DTX1: variants seen among roughly 807,000 people sequenced by gnomAD.
The protein encoded by DTX1 is E3 ubiquitin-protein ligase DTX1.
DTX1 carries 26 observed loss-of-function variants against 57.8 expected under a neutral mutation model. The observed-to-expected ratio is 0.45, with a 90% CI of 0.33 to 0.62. The LOEUF is 0.62. Ranked by LOEUF, DTX1 falls within the 20% of genes least tolerant of loss-of-function variation. DTX1 has a pLI of 0.02. For missense variants in DTX1, 704 were observed against 895.3 expected (o/e 0.79, Z 2.73); for synonymous variants, 398 against 394.1 (o/e 1.01, Z -0.12).
At chr12:113,076,795 T>A (rs777503098) in intron 2 of DTX1, among the ~76,000 whole-genome samples, 1 of 152,190 alleles carries the variant, frequency 6.6e-6, no homozygotes, top group Non-Finnish European at 1.5e-5. Flanking sequence ...ATTAATGAAC[T>A]AAGGCATGAA....
At chr12:113,078,786 T>G (rs1217945145) in intron 3 of DTX1, among the ~76,000 whole-genome samples, 1 of 152,106 alleles carries the variant, frequency 6.6e-6, no homozygotes, top group South Asian at 2.1e-4. Flanking sequence ...AAGCATCAGC[T>G]GCTTGTCCAA....
At position 113,057,515 on chromosome 12, in the gene DTX1, A is replaced by C. The variant is rs1296232480; in HGVS notation, c.-678A>C. 2.0e-5 allele frequency: 2 copies of C among 100,714 alleles called. No individual in the cohort carries two copies. Among genetic ancestry groups the C allele is most frequent in the East Asian group, 3.2e-4 (1 of 3,104 alleles). 6.2% of individuals were successfully genotyped at this position (100,714 alleles called of 1,614,324 possible). A position where few individuals can be genotyped will look rare whatever the true frequency, so the allele number is the denominator to read the frequency against. On this transcript the variant is annotated 5_prime_UTR_variant, in exon 2 of 10. Coordinates refer to ENST00000548759, the MANE Select transcript of DTX1 (RefSeq NM_004416.3). ...GCCCCCCTCGTCCCCCTCGTCCCCC[A>C]GCCCAGCTCCGGAGCCGCAGTCCAG...
chr12:113,081,435 G>A (rs987355062), intron 3 of DTX1, among the ~76,000 whole-genome samples: 3 of 152,288 alleles, frequency 2.0e-5, no homozygotes, highest in African/African-American at 7.2e-5. Context: ...ATGTGCTGTG[G>A]GTGTGTATTC....
intron 2 of DTX1, among the ~76,000 whole-genome samples, chr12:113,064,244 C>G (rs553037269): frequency 2.6e-4 from 40 of 152,320 alleles, no homozygotes; most frequent in African/African-American, 9.1e-4. Flanking sequence ...AGCGGCCCAT[C>G]TCTGGTAGCA....
chr12:113,096,964 C>T lies in DTX1; in HGVS notation c.*25C>T, dbSNP rs1950307541. The T allele has an allele frequency of 6.3e-7, 1 of 1,590,860 alleles. No homozygotes were observed. Among genetic ancestry groups the T allele is most frequent in the Non-Finnish European group, 8.5e-7 (1 of 1,170,254 alleles). ...AGGCCCAAGGCTGCCCACCTTCCCT[C>T]CTGCTTTGCCCCTGGTCCGGCAAAT... On this transcript the variant is annotated 3_prime_UTR_variant, in exon 10 of 10. Coordinates refer to ENST00000548759, the MANE Select transcript of DTX1 (RefSeq NM_004416.3).
intron 2 of DTX1, among the ~76,000 whole-genome samples, chr12:113,069,658 C>G (rs1025102422): frequency 3.3e-5 from 5 of 152,138 alleles, no homozygotes; most frequent in Non-Finnish European, 7.4e-5. Context: ...CGAATCCCAG[C>G]CCAGCCGGTG....
chr12:113,086,253 T>G (rs2044856201), intron 3 of DTX1, among the ~76,000 whole-genome samples: 1 of 141,324 alleles, frequency 7.1e-6, no homozygotes, highest in Admixed American at 7.5e-5. Context: ...AGCAAAACCC[T>G]GTATCAAGAA....
chr12:113,062,716 T>TGTGTATGTGCCTCCC (rs2044674218), intron 2 of DTX1, among the ~76,000 whole-genome samples: 1 of 152,174 alleles, frequency 6.6e-6, no homozygotes, highest in African/African-American at 2.4e-5. Flanking sequence ...ACACATGCCC[T>TGTGTATGTGCCTCCC]GTGTATGTGC....
chr12:113,083,246 G>T (rs1391277318), intron 3 of DTX1, among the ~76,000 whole-genome samples: 2 of 152,154 alleles, frequency 1.3e-5, no homozygotes, highest in African/African-American at 4.8e-5. Flanking sequence ...AGGTCCTGAG[G>T]CTTAAGGTTT....
rs761584184 is a variant in DTX1, at chr12:113,094,888, C to T, written c.1327C>T (p.Arg443Cys). ...GCCTGAGCTCGTGGGCCGCCTGGGC[C>T]GCTGTGGCCACATGTACCACCTGCT... ...VRPELVGRLG[R>C]CGHMYHLLCL... The change falls in exon 7 of 10, where the codon CGC becomes TGC. Residue 443 changes from arginine to cysteine, a missense_variant. Around this residue, in one of 3 missense-constraint regions of DTX1, gnomAD observed 168 missense variants for 255.6 expected, o/e 0.66. Coordinates refer to ENST00000548759, the MANE Select transcript of DTX1 (RefSeq NM_004416.3). 8.7e-6 allele frequency: 14 copies of T among 1,613,570 alleles called. No individual in the cohort carries two copies. The highest frequency in any genetic ancestry group is 1.6e-4 in the Middle Eastern group (1 of 6,078).
chr12:113,095,498 A>G, intron 9 of DTX1, 84 bp downstream of exon 9: 1 of 1,545,598 alleles, frequency 6.5e-7, no homozygotes. Context: ...GGTCCCCATC[A>G]TTCCCAATCC....
At chr12:113,087,720 G>A (rs1043856655) in intron 3 of DTX1, among the ~76,000 whole-genome samples, 4 of 152,148 alleles carry the variant, frequency 2.6e-5, no homozygotes, top group African/African-American at 7.2e-5. Context: ...TTTGGGGTCT[G>A]CTGGGTAAGT....
In DTX1 at chr12:113,093,499, G is replaced by T. The variant is rs112245835; in HGVS notation, c.1004-40G>T. Reference sequence around the variant, plus strand: ...GCCAGTGGTCGGGGGTTTGGGCGGGGATGGCGCCCCGCCCTGTGACTGCGC... The same window carrying T: ...GCCAGTGGTCGGGGGTTTGGGCGGGTATGGCGCCCCGCCCTGTGACTGCGC... On this transcript the variant is annotated intron_variant, in intron 4 of 9. Transcript: ENST00000548759. The surrounding 1 kb of genome is among the most constrained non-coding windows in gnomAD (Gnocchi z 4.2). 6.5e-7 allele frequency: 1 copy of T among 1,530,514 alleles called. No individual in the cohort carries two copies. Among genetic ancestry groups the T allele is most frequent in the Non-Finnish European group, 8.8e-7 (1 of 1,138,668 alleles). The allele number at this position is 1,530,514 out of a possible 1,614,324, so 94.8% of individuals were successfully genotyped here. A position where few individuals can be genotyped will look rare whatever the true frequency, so the allele number is the denominator to read the frequency against.
intron 2 of DTX1, among the ~76,000 whole-genome samples, chr12:113,075,552 C>T (rs956845074): frequency 7.2e-5 from 11 of 152,208 alleles, no homozygotes; most frequent in Non-Finnish European, 1.2e-4. Context: ...AGAAGTCCTG[C>T]GGCCTGGACC....
chr12:113,071,743 G>A (rs1164459335), intron 2 of DTX1, among the ~76,000 whole-genome samples: 5 of 152,260 alleles, frequency 3.3e-5, no homozygotes, highest in Non-Finnish European at 5.9e-5. Context: ...CCCTCGGCCT[G>A]GTCCATGGCC....
chr12:113,074,942 C>T (rs1035156242), intron 2 of DTX1, among the ~76,000 whole-genome samples: 2 of 151,682 alleles, frequency 1.3e-5, no homozygotes, highest in Non-Finnish European at 2.9e-5. Context: ...TCAGGAGGAG[C>T]AGGTTTGGGG....
At chr12:113,087,698 C>G (rs553387669) in intron 3 of DTX1, among the ~76,000 whole-genome samples, 22 of 152,122 alleles carry the variant, frequency 1.4e-4, no homozygotes, top group Non-Finnish European at 3.2e-4. Flanking sequence ...AGTCCTGAGG[C>G]TCCTGGGGCT....
chr12:113,092,951 T>C (rs895819044), intron 3 of DTX1, among the ~76,000 whole-genome samples: 3 of 152,128 alleles, frequency 2.0e-5, no homozygotes, highest in Admixed American at 6.5e-5. Context: ...GTGCATCCCA[T>C]TGGAACCTGG....
chr12:113,077,498 G>GCAAGC lies in DTX1; in HGVS notation c.334_335insCAAGC (p.Glu112AlafsTer36). On this transcript the variant is annotated frameshift_variant, in exon 3 of 10. Transcript: ENST00000548759. LOFTEE classifies it high-confidence loss of function. The surrounding 1 kb of genome is among the most constrained non-coding windows in gnomAD (Gnocchi z 7.8). ...GGGCAAGGGCATCGTGTGGGAGTGGGAGAACGACGGCGGCGCATGGACGGC... is the reference window on the plus strand; with the variant it reads ...GGGCAAGGGCATCGTGTGGGAGTGGGCAAGCAGAACGACGGCGGCGCATGGACGGC... 1 of 1,612,664 alleles carries GCAAGC rather than the reference G, an allele frequency of 6.2e-7. No homozygotes were observed.
Sources: allele counts gnomAD v4.1 joint callset (sites outside exome capture counted in the v4.1 genomes callset), GRCh38; gene constraint gnomAD v4.1.1; regional missense constraint gnomAD v4.1.1; non-coding constraint Gnocchi (gnomAD v3.1); transcripts MANE v1.5; gene names NCBI Gene and HGNC (gene_info 2026-07-23, HGNC 2026-07-21).